The following LPP variants were observed in gnomAD, a reference collection of about 807,000 sequenced individuals.
LPP encodes lipoma-preferred partner.
LPP carries 38 observed loss-of-function variants against 60.4 expected under a neutral mutation model. The ratio of observed to expected loss-of-function variants is 0.63; its 90% CI spans 0.49 to 0.83. The LOEUF (loss-of-function observed/expected upper bound fraction) is 0.83. LPP is among the 40% of genes least tolerant of loss of function. The probability of loss-of-function intolerance (pLI) is 0.00; values close to 1 mark genes in which losing one functional copy is unlikely to be tolerated. For missense variants in LPP, 902 were observed against 783.6 expected, an observed-to-expected ratio of 1.15 and a Z score of -1.80; for synonymous variants, 328 against 290.8, an observed-to-expected ratio of 1.13 and a Z score of -1.30.
At chr3:188,427,062 C>T (rs879908830) in intron 4 of LPP, among the ~76,000 whole-genome samples, 6 of 152,084 alleles carry the variant, frequency 3.9e-5, no homozygotes, top group South Asian at 2.1e-4. Context: ...CTTTACAATG[C>T]GCTATGTTTT....
intron 5 of LPP, among the ~76,000 whole-genome samples, chr3:188,513,793 A>G (rs1271921860): frequency 6.6e-6 from 1 of 152,168 alleles, no homozygotes; most frequent in African/African-American, 2.4e-5. Flanking sequence ...CCAAGTTCAG[A>G]TCACTTTAAC....
At chr3:188,382,090 G>A (rs1369728230) in intron 3 of LPP, among the ~76,000 whole-genome samples, 1 of 151,856 alleles carries the variant, frequency 6.6e-6, no homozygotes, top group East Asian at 1.9e-4. Flanking sequence ...GTTCAGCCAG[G>A]GAATGTTTGA....
rs970048201 is a variant in LPP, at chr3:188,877,801, C to T, written c.*3322C>T. On this transcript the variant is annotated 3_prime_UTR_variant, in exon 12 of 12. Transcript: ENST00000617246. ...AGTCATGTGTCCCAGCATAAGGCATCAGGTTGTTAGATGCTGGCATCTCTG... is the reference window on the plus strand; with the variant it reads ...AGTCATGTGTCCCAGCATAAGGCATTAGGTTGTTAGATGCTGGCATCTCTG... 3 of 215,604 alleles carry T rather than the reference C, an allele frequency of 1.4e-5. No individual in the cohort carries two copies. Among genetic ancestry groups the T allele is most frequent in the Non-Finnish European group, 2.8e-5 (3 of 107,000 alleles). The allele number at this position is 215,604 out of a possible 1,614,324, so 13.4% of individuals were successfully genotyped here.
intron 3 of LPP, among the ~76,000 whole-genome samples, chr3:188,371,501 A>G (rs1427171912): frequency 1.3e-5 from 2 of 150,634 alleles, no homozygotes; most frequent in Non-Finnish European, 2.9e-5. Flanking sequence ...GTACAAGCCT[A>G]TTCATCACAG....
chr3:188,791,216 G>A (rs1743622075), intron 9 of LPP, among the ~76,000 whole-genome samples: 1 of 152,108 alleles, frequency 6.6e-6, no homozygotes, highest in Admixed American at 6.5e-5. Context: ...AGAAATGGGT[G>A]CACACTCACT....
At chr3:188,371,634 TATATA>T (rs1773154735) in intron 3 of LPP, among the ~76,000 whole-genome samples, 5 of 32,602 alleles carry the variant, frequency 1.5e-4, no homozygotes, top group African/African-American at 3.7e-4. Flanking sequence ...TATATATATA[TATATA>T]TATTTTTTTT....
chr3:188,318,140 T>A (rs1002086406), intron 2 of LPP, among the ~76,000 whole-genome samples: 1 of 152,202 alleles, frequency 6.6e-6, no homozygotes, highest in Admixed American at 6.5e-5. Context: ...CTTCTCTTAT[T>A]TTTCTTTGCA....
chr3:188,298,697 T>C (rs1328698135), intron 2 of LPP, among the ~76,000 whole-genome samples: 1 of 152,160 alleles, frequency 6.6e-6, no homozygotes, highest in Admixed American at 6.5e-5. Context: ...ACTCAGGGCA[T>C]GAAAAGAGTG....
intron 7 of LPP, among the ~76,000 whole-genome samples, chr3:188,663,724 C>A (rs982972628): frequency 6.6e-6 from 1 of 152,196 alleles, no homozygotes; most frequent in Admixed American, 6.5e-5. Flanking sequence ...CCAATGACCA[C>A]TTTTCTGGAA....
At position 188,882,974 on chromosome 3, in the gene LPP, C is replaced by T. The variant is rs1421340613; in HGVS notation, c.*8495C>T. The stretch of plus-strand genomic sequence containing the variant: ...CGATCTCCTGACCTCGTGATCCGCC[C>T]GCCTCGGCCTCCCAAAGTGCCAATT... On this transcript the variant is annotated 3_prime_UTR_variant, in exon 12 of 12. Transcript: ENST00000617246. 2 of 188,224 alleles carry T rather than the reference C, an allele frequency of 1.1e-5. No homozygotes were observed. The highest frequency in any genetic ancestry group is 2.2e-5 in the Non-Finnish European group (2 of 89,478). 11.7% of individuals were successfully genotyped at this position (188,224 alleles called of 1,614,324 possible).
intron 9 of LPP, among the ~76,000 whole-genome samples, chr3:188,854,742 A>C (rs558195059): frequency 3.1e-4 from 47 of 152,338 alleles, no homozygotes; most frequent in African/African-American, 9.1e-4. Flanking sequence ...CAGGAGTACA[A>C]AGAGAGCCCT....
chr3:188,556,139 G>T (rs1325369406), intron 6 of LPP, among the ~76,000 whole-genome samples: 1 of 152,086 alleles, frequency 6.6e-6, no homozygotes, highest in Admixed American at 6.6e-5. Flanking sequence ...GGATTGCCTT[G>T]ATAAGAACAG....
intron 3 of LPP, among the ~76,000 whole-genome samples, chr3:188,363,131 T>C (rs1481767874): frequency 3.9e-5 from 6 of 152,138 alleles, no homozygotes; most frequent in African/African-American, 1.4e-4. Context: ...ATCAAGAGGT[T>C]GTTTACTACA....
chr3:188,673,226 G>GT (rs886872852), intron 7 of LPP, among the ~76,000 whole-genome samples: 1 of 151,750 alleles, frequency 6.6e-6, no homozygotes, highest in African/African-American at 2.4e-5. Flanking sequence ...GAGAAGTACC[G>GT]TTTTTTTGTT....
intron 7 of LPP, among the ~76,000 whole-genome samples, chr3:188,651,656 C>T (rs1487192056): frequency 1.3e-5 from 2 of 152,146 alleles, no homozygotes; most frequent in East Asian, 1.9e-4. Context: ...CACATGGCAA[C>T]AGACAAGAGA....
At chr3:188,580,495 G>C (rs1002748580) in intron 6 of LPP, among the ~76,000 whole-genome samples, 2 of 152,166 alleles carry the variant, frequency 1.3e-5, no homozygotes, top group African/African-American at 2.4e-5. Context: ...AAAGGATTCA[G>C]AGAGTTTCCA....
intron 2 of LPP, among the ~76,000 whole-genome samples, chr3:188,237,175 C>T (rs577037378): frequency 1.3e-5 from 2 of 152,308 alleles, no homozygotes; most frequent in East Asian, 3.9e-4. Context: ...AGAAGCCCCT[C>T]CTTATCCATT....
chr3:188,203,713 T>G (rs1732348376), intron 1 of LPP, among the ~76,000 whole-genome samples: 1 of 148,250 alleles, frequency 6.7e-6, no homozygotes, highest in African/African-American at 2.5e-5. Flanking sequence ...ACTCCTAGGC[T>G]CAAGCAATCC....
chr3:188,311,036 C>T (rs776019546), intron 2 of LPP, among the ~76,000 whole-genome samples: 7 of 152,082 alleles, frequency 4.6e-5, no homozygotes, highest in East Asian at 1.9e-4. Flanking sequence ...TCCAAAAAGT[C>T]GAAGATATTA....
Sources: allele counts gnomAD v4.1 joint callset (sites outside exome capture counted in the v4.1 genomes callset), GRCh38; gene constraint gnomAD v4.1.1; transcripts MANE v1.5; gene names NCBI Gene and HGNC (gene_info 2026-07-23, HGNC 2026-07-21).